The following TIAM1 variants were observed in gnomAD, a reference collection of about 807,000 sequenced individuals.
The protein encoded by TIAM1 is rho guanine nucleotide exchange factor TIAM1.
In TIAM1, 65 loss-of-function variants were observed where a neutral mutation model predicts 163.5. That is an observed-to-expected ratio of 0.40 (90% confidence interval 0.33 to 0.49). The LOEUF (loss-of-function observed/expected upper bound fraction) is 0.49, where lower values mean the gene tolerates loss of function less well. Ranked by LOEUF, TIAM1 falls within the 20% of genes least tolerant of loss-of-function variation. The pLI, the probability that TIAM1 is intolerant of heterozygous loss-of-function variation, is 0.77. For missense variants in TIAM1, 1,789 were observed against 2,044.7 expected, an observed-to-expected ratio of 0.87 and a Z score of 2.41; for synonymous variants, 833 against 810.1, an observed-to-expected ratio of 1.03 and a Z score of -0.48.
chr21:31,190,883 T>C (rs1376874487), intron 13 of TIAM1, among the ~76,000 whole-genome samples: 1 of 152,220 alleles, frequency 6.6e-6, no homozygotes, highest in Non-Finnish European at 1.5e-5. Context: ...ATGATCTGTA[T>C]TGTGAGGTGT....
intron 2 of TIAM1, among the ~76,000 whole-genome samples, chr21:31,290,831 GT>G (rs1194230868): frequency 6.6e-6 from 1 of 152,020 alleles, no homozygotes; most frequent in Non-Finnish European, 1.5e-5. Flanking sequence ...TTATTACGAA[GT>G]CATATCATGT....
intron 2 of TIAM1, among the ~76,000 whole-genome samples, chr21:31,283,438 A>G (rs2073656990): frequency 6.6e-6 from 1 of 152,230 alleles, no homozygotes; most frequent in Non-Finnish European, 1.5e-5. Context: ...AATGGATGTA[A>G]TAACTTTCTC....
intron 2 of TIAM1, among the ~76,000 whole-genome samples, chr21:31,400,986 G>A (rs2077155893): frequency 6.6e-6 from 1 of 152,060 alleles, no homozygotes; most frequent in Admixed American, 6.6e-5. Flanking sequence ...AGCTACTCAG[G>A]AGGCTGGGCA....
chr21:31,354,610 C>G (rs1322727201), intron 2 of TIAM1, among the ~76,000 whole-genome samples: 1 of 152,078 alleles, frequency 6.6e-6, no homozygotes, highest in African/African-American at 2.4e-5. Flanking sequence ...ACATACTGAA[C>G]AGAATCTTGC....
At chr21:31,206,298 C>A (rs1481648373) in intron 11 of TIAM1, among the ~76,000 whole-genome samples, 1 of 152,150 alleles carries the variant, frequency 6.6e-6, no homozygotes, top group African/African-American at 2.4e-5. Flanking sequence ...TAAATCAGAT[C>A]ATCAGAACGA....
chr21:31,430,655 T>G (rs2147278363), intron 2 of TIAM1, among the ~76,000 whole-genome samples: 1 of 152,340 alleles, frequency 6.6e-6, no homozygotes, highest in Middle Eastern at 3.4e-3. Flanking sequence ...CTGTAGATTT[T>G]CTGCATGGAT....
intron 2 of TIAM1, among the ~76,000 whole-genome samples, chr21:31,421,915 A>G (rs552339319): frequency 1.6e-4 from 25 of 152,204 alleles, no homozygotes; most frequent in African/African-American, 5.5e-4. Context: ...TCTTGAGCCC[A>G]GGAGGTCGAG....
At chr21:31,475,238 G>C (rs771206527) in intron 1 of TIAM1, among the ~76,000 whole-genome samples, 1 of 151,642 alleles carries the variant, frequency 6.6e-6, no homozygotes, top group Admixed American at 6.6e-5. Context: ...TTCCTTTGTA[G>C]AGACAGGGTT....
At position 31,217,569 on chromosome 21, in the gene TIAM1, C is replaced by T. The variant is rs531274411; in HGVS notation, c.2126G>A (p.Arg709Gln). 29 of 1,613,692 alleles carry T rather than the reference C, an allele frequency of 1.8e-5. No individual in the cohort carries two copies. Among genetic ancestry groups the T allele is most frequent in the African/African-American group, 2.7e-5 (2 of 74,902 alleles). The change falls in exon 9 of 28, where the codon CGG (arginine) becomes CAG (glutamine). Residue 709 changes from arginine to glutamine, a missense_variant. Arg to Gln is a conservative substitution (Grantham distance 43, BLOSUM62 1). Transcript: ENST00000541036. ...GGAACCTACCTGATTGATGCTTGGC[C>T]GTCCCTGCTTCTTTTTGGAGGTAGT... ...LDTTSKKKQG[R>Q]PSINQVFGEG...
chr21:31,233,160 C>G (rs2088534957), intron 6 of TIAM1, among the ~76,000 whole-genome samples: 1 of 151,904 alleles, frequency 6.6e-6, no homozygotes, highest in Non-Finnish European at 1.5e-5. Context: ...ACGAGAAATA[C>G]TAGGGAATAT....
intron 20 of TIAM1, among the ~76,000 whole-genome samples, chr21:31,144,830 GA>G (rs764835303): frequency 0.16 from 11,991 of 74,324 alleles, 254 homozygotes; most frequent in African/African-American, 0.18. Context: ...CTCCATCTCA[GA>G]AAAAAAAAAA....
chr21:31,504,893 T>G (rs1007605248), intron 1 of TIAM1, among the ~76,000 whole-genome samples: 3 of 152,148 alleles, frequency 2.0e-5, no homozygotes, highest in Non-Finnish European at 2.9e-5. Context: ...TATGGTCTCC[T>G]CCACATAATA....
intron 2 of TIAM1, among the ~76,000 whole-genome samples, chr21:31,287,924 C>G (rs972729049): frequency 6.6e-6 from 1 of 151,964 alleles, no homozygotes; most frequent in Non-Finnish European, 1.5e-5. Flanking sequence ...GATGGCCCAA[C>G]GGGGACAGTG....
At chr21:31,202,838 A>T in intron 12 of TIAM1, 70 bp downstream of exon 12, 1 of 1,425,754 alleles carries the variant, frequency 7.0e-7, no homozygotes, top group Non-Finnish European at 9.8e-7. Context: ...AACTACAATT[A>T]ACACGAGAAC....
intron 2 of TIAM1, among the ~76,000 whole-genome samples, chr21:31,278,730 A>C (rs1188204098): frequency 6.6e-6 from 1 of 152,208 alleles, no homozygotes; most frequent in Non-Finnish European, 1.5e-5. Context: ...GGAAAGGAGC[A>C]CGAGTTCTCA....
chr21:31,133,679 T>C (rs1271280590), intron 23 of TIAM1, among the ~76,000 whole-genome samples: 1 of 152,232 alleles, frequency 6.6e-6, no homozygotes, highest in Non-Finnish European at 1.5e-5. Flanking sequence ...GATCCAGCCA[T>C]CTCATTCATT....
chr21:31,127,241 G>T, intron 25 of TIAM1, 89 bp from the exon 26 acceptor site: 1 of 1,176,510 alleles, frequency 8.5e-7, no homozygotes, highest in Non-Finnish European at 1.3e-6. Flanking sequence ...CTGTGATAGA[G>T]GATTAATAAT....
At chr21:31,386,702 G>A (rs2076877993) in intron 2 of TIAM1, among the ~76,000 whole-genome samples, 1 of 152,168 alleles carries the variant, frequency 6.6e-6, no homozygotes, top group African/African-American at 2.4e-5. Context: ...GTATGGCCCA[G>A]GGAGGACAGG....
At chr21:31,412,739 G>A (rs374731499) in intron 2 of TIAM1, among the ~76,000 whole-genome samples, 3 of 142,402 alleles carry the variant, frequency 2.1e-5, no homozygotes, top group Non-Finnish European at 1.5e-5. Flanking sequence ...CTGGGATCAC[G>A]CCACTGCACT....
Sources: allele counts gnomAD v4.1 joint callset (sites outside exome capture counted in the v4.1 genomes callset), GRCh38; gene constraint gnomAD v4.1.1; transcripts MANE v1.5; gene names NCBI Gene and HGNC (gene_info 2026-07-23, HGNC 2026-07-21).